Variants in AKAP6 observed in about 807,000 individuals in gnomAD.
The protein encoded by AKAP6 is A-kinase anchoring protein 6, also known as A-kinase anchor protein 6.
In AKAP6, 58 loss-of-function variants were observed where a neutral mutation model predicts 188.5. That is an observed-to-expected ratio of 0.31 (90% CI 0.25 to 0.38). The LOEUF is 0.38. AKAP6 is among the 10% of genes least tolerant of loss of function. AKAP6 has a pLI of 1.00. For missense variants in AKAP6, 2,710 were observed against 2,740.0 expected (o/e 0.99, Z 0.24); for synonymous variants, 989 against 998.6 (o/e 0.99, Z 0.18).
At chr14:32,470,807 C>G (rs1339139486) in intron 2 of AKAP6, among the ~76,000 whole-genome samples, 2 of 151,958 alleles carry the variant, frequency 1.3e-5, no homozygotes, top group Non-Finnish European at 2.9e-5. Flanking sequence ...TTTCTTTTAC[C>G]CATCTCTTTC....
intron 2 of AKAP6, among the ~76,000 whole-genome samples, chr14:32,479,986 T>C (rs1879257493): frequency 6.6e-6 from 1 of 152,180 alleles, no homozygotes; most frequent in South Asian, 2.1e-4. Flanking sequence ...TACTGGTGTG[T>C]GATGGTGTAG....
intron 1 of AKAP6, among the ~76,000 whole-genome samples, chr14:32,351,570 A>T (rs954878709): frequency 4.0e-5 from 6 of 149,728 alleles, no homozygotes; most frequent in Non-Finnish European, 7.4e-5. Flanking sequence ...CTCAAAAAAA[A>T]AAAAAACAAA....
intron 1 of AKAP6, among the ~76,000 whole-genome samples, chr14:32,357,914 T>G (rs139990608): frequency 6.6e-6 from 1 of 152,232 alleles, no homozygotes; most frequent in Non-Finnish European, 1.5e-5. Flanking sequence ...TCTCCTTGTA[T>G]GTGGTTTTGC....
chr14:32,682,699 G>A (rs906512760), intron 8 of AKAP6, among the ~76,000 whole-genome samples: 7 of 152,256 alleles, frequency 4.6e-5, no homozygotes, highest in Middle Eastern at 3.4e-3. Context: ...GACCTGTGGA[G>A]CTTTTAAGTA....
At chr14:32,626,677 A>G (rs1887038015) in intron 7 of AKAP6, among the ~76,000 whole-genome samples, 2 of 151,836 alleles carry the variant, frequency 1.3e-5, no homozygotes, top group Admixed American at 6.6e-5. Flanking sequence ...TGTTCATCCA[A>G]CCTCTATTTC....
chr14:32,543,242 G>C (rs953177832), intron 3 of AKAP6, among the ~76,000 whole-genome samples: 1 of 152,068 alleles, frequency 6.6e-6, no homozygotes, highest in African/African-American at 2.4e-5. Context: ...TTCTGCTTTT[G>C]GCTTCTCTGA....
intron 7 of AKAP6, among the ~76,000 whole-genome samples, chr14:32,643,095 A>G (rs1887829310): frequency 6.6e-6 from 1 of 152,206 alleles, no homozygotes; most frequent in East Asian, 1.9e-4. Flanking sequence ...GTAATAAGTA[A>G]GATTAATGCT....
At chr14:32,678,587 A>C (rs1594839176) in intron 8 of AKAP6, 128 bp downstream of exon 8, 6 of 1,027,580 alleles carry the variant, frequency 5.8e-6, no homozygotes, top group Non-Finnish European at 8.5e-6. Context: ...TAGACTAGGC[A>C]TTAATGTTCT....
intron 7 of AKAP6, among the ~76,000 whole-genome samples, chr14:32,602,045 C>T (rs1253283621): frequency 6.6e-6 from 1 of 152,106 alleles, no homozygotes; most frequent in Non-Finnish European, 1.5e-5. Context: ...CACATGAGCA[C>T]ATATTTTAGG....
intron 9 of AKAP6, among the ~76,000 whole-genome samples, chr14:32,717,528 T>G (rs1458936286): frequency 6.6e-6 from 1 of 151,994 alleles, no homozygotes; most frequent in African/African-American, 2.4e-5. Flanking sequence ...TTTCTCTCCA[T>G]GCATCTATGC....
chr14:32,730,794 T>C (rs543245400), intron 9 of AKAP6, among the ~76,000 whole-genome samples: 1 of 152,288 alleles, frequency 6.6e-6, no homozygotes, highest in South Asian at 2.1e-4. Flanking sequence ...GGGAACCTGA[T>C]TACATAAAGC....
At chr14:32,771,322 G>GC (rs145562516) in intron 11 of AKAP6, among the ~76,000 whole-genome samples, 1,488 of 139,626 alleles carry the variant, frequency 0.011, 28 homozygotes, top group African/African-American at 0.038. Flanking sequence ...TGTAGACTAA[G>GC]CCCTGTGTTC....
At chr14:32,431,600 C>G (rs541465836) in intron 1 of AKAP6, among the ~76,000 whole-genome samples, 2 of 152,290 alleles carry the variant, frequency 1.3e-5, no homozygotes, top group East Asian at 1.9e-4. Context: ...GCAACCTCCC[C>G]CTCCCGGGTT....
intron 1 of AKAP6, among the ~76,000 whole-genome samples, chr14:32,374,736 G>C (rs1180406063): frequency 1.3e-5 from 2 of 152,256 alleles, no homozygotes; most frequent in South Asian, 2.1e-4. Flanking sequence ...ACTACCATTA[G>C]ATTGTACTAT....
intron 2 of AKAP6, among the ~76,000 whole-genome samples, chr14:32,483,790 T>G (rs1879503924): frequency 6.6e-6 from 1 of 152,044 alleles, no homozygotes; most frequent in African/African-American, 2.4e-5. Context: ...CCCAGATTTA[T>G]TTATTGTACT....
intron 1 of AKAP6, among the ~76,000 whole-genome samples, chr14:32,344,025 C>T (rs1447074162): frequency 1.3e-5 from 2 of 152,170 alleles, no homozygotes; most frequent in Non-Finnish European, 2.9e-5. Context: ...TTGGAAGCAC[C>T]TCTGGCAAAA....
At chr14:32,404,694 A>ATATATATATATATATATATATATATATG (rs1555325854) in intron 1 of AKAP6, among the ~76,000 whole-genome samples, 1 of 120,672 alleles carries the variant, frequency 8.3e-6, no homozygotes, top group East Asian at 2.6e-4. Context: ...GTCAGGAGAT[A>ATATATATATATATATATATATATATATG]TATATATATA....
chr14:32,677,709 C>T (rs1889492752), intron 7 of AKAP6, among the ~76,000 whole-genome samples: 2 of 152,202 alleles, frequency 1.3e-5, no homozygotes, highest in Non-Finnish European at 2.9e-5. Context: ...TACTACCTCT[C>T]CTTTACTACA....
intron 7 of AKAP6, among the ~76,000 whole-genome samples, chr14:32,640,740 G>A (rs560114663): frequency 6.6e-6 from 1 of 152,198 alleles, no homozygotes; most frequent in African/African-American, 2.4e-5. Flanking sequence ...ACTCCAAAGA[G>A]ATCAAGGTTC....
Sources: allele counts gnomAD v4.1 joint callset (sites outside exome capture counted in the v4.1 genomes callset), GRCh38; gene constraint gnomAD v4.1.1; transcripts MANE v1.5; gene names NCBI Gene and HGNC (gene_info 2026-07-23, HGNC 2026-07-21).